CREB3L2: variants seen among roughly 807,000 people sequenced by gnomAD.
CREB3L2 encodes cAMP responsive element binding protein 3 like 2.
In CREB3L2, 23 loss-of-function variants were observed where a neutral mutation model predicts 57.2. That is an observed-to-expected ratio of 0.40 (90% CI 0.29 to 0.57). CREB3L2 has a LOEUF of 0.57. Ranked by LOEUF, CREB3L2 falls within the 20% of genes least tolerant of loss-of-function variation. The pLI is 0.42. For synonymous variants in CREB3L2, 268 were observed against 265.1 expected (o/e 1.01, Z -0.11); for missense variants, 628 against 634.7 (o/e 0.99, Z 0.11).
rs1161069286 is a variant in CREB3L2, at chr7:137,884,980, C to A, written c.1270+15G>T. On this transcript the variant is annotated intron_variant, in intron 10 of 11. Transcript: ENST00000330387. ...TAAAACAAGACCCTGCCCAACTTGC[C>A]ACATGCTGTCTTACCCACGGAGGCT... 1 of 1,614,164 alleles carries A rather than the reference C, an allele frequency of 6.2e-7. No homozygotes were observed. The highest frequency in any genetic ancestry group is 1.7e-5 in the Admixed American group (1 of 60,028).
At position 137,879,323 on chromosome 7, in the gene CREB3L2, G is replaced by C; in HGVS notation, c.*1153C>G. On this transcript the variant is annotated 3_prime_UTR_variant, in exon 12 of 12. Transcript: ENST00000330387. ...GCTTTGTTGAGGTAGGGGACGAGGA[G>C]GACAAAGTGGAAGTGTGGAGGGAGG... The C allele has an allele frequency of 1.9e-6, 1 of 519,844 alleles. No homozygotes were observed. The highest frequency in any genetic ancestry group is 3.7e-6 in the Non-Finnish European group (1 of 270,742). The allele number at this position is 519,844 out of a possible 1,614,324, so 32.2% of individuals were successfully genotyped here.
intron 1 of CREB3L2, among the ~76,000 whole-genome samples, chr7:137,944,981 C>T (rs973259907): frequency 3.9e-5 from 6 of 152,162 alleles, no homozygotes; most frequent in African/African-American, 1.4e-4. Flanking sequence ...CAACCTCTGT[C>T]TCTCGGGCTC....
At chr7:137,883,435 T>C (rs571413180) in intron 10 of CREB3L2, among the ~76,000 whole-genome samples, 1 of 152,124 alleles carries the variant, frequency 6.6e-6, no homozygotes, top group Non-Finnish European at 1.5e-5. Context: ...CTGAACCCTA[T>C]ATATATGGTA....
intron 4 of CREB3L2, 108 bp from the exon 5 acceptor site, chr7:137,908,544 G>T: frequency 1.4e-6 from 1 of 717,838 alleles, no homozygotes; most frequent in Non-Finnish European, 1.9e-6. Flanking sequence ...AGCTGACCTG[G>T]ACAGATCTCC....
At chr7:137,894,735 G>A (rs1799590528) in intron 8 of CREB3L2, among the ~76,000 whole-genome samples, 1 of 152,224 alleles carries the variant, frequency 6.6e-6, no homozygotes, top group African/African-American at 2.4e-5. Context: ...CATGGCTGAA[G>A]GAGAGCCAGC....
At position 137,875,537 on chromosome 7, in the gene CREB3L2, A is replaced by T. The variant is rs1472893805; in HGVS notation, c.*4939T>A. The T allele has an allele frequency of 4.5e-6, 1 of 222,874 alleles. No homozygotes were observed. The highest frequency in any genetic ancestry group is 9.0e-6 in the Non-Finnish European group (1 of 111,506). The allele number at this position is 222,874 out of a possible 1,614,324, so 13.8% of individuals were successfully genotyped here. The stretch of plus-strand genomic sequence containing the variant: ...GAACTCACAGAAGATTGGAACAAAA[A>T]GATAGGAGATGGACACCTGGGGGAC... On this transcript the variant is annotated 3_prime_UTR_variant, in exon 12 of 12. Transcript: ENST00000330387.
At chr7:137,924,526 G>C (rs1044675821) in intron 2 of CREB3L2, among the ~76,000 whole-genome samples, 2 of 152,086 alleles carry the variant, frequency 1.3e-5, no homozygotes, top group African/African-American at 4.8e-5. Flanking sequence ...TACAAGACTT[G>C]GTCATTCAAA....
chr7:137,929,637 C>T (rs1005677659), intron 1 of CREB3L2, among the ~76,000 whole-genome samples: 4 of 150,722 alleles, frequency 2.7e-5, no homozygotes, highest in African/African-American at 9.8e-5. Flanking sequence ...CCAAGGTGGG[C>T]GGATCACAAG....
intron 11 of CREB3L2, among the ~76,000 whole-genome samples, chr7:137,881,553 A>C (rs1271463803): frequency 6.6e-6 from 1 of 152,236 alleles, no homozygotes; most frequent in Non-Finnish European, 1.5e-5. Context: ...TGTATGTATA[A>C]TGTACACACA....
intron 1 of CREB3L2, among the ~76,000 whole-genome samples, chr7:137,975,617 C>G (rs1230539731): frequency 2.0e-5 from 3 of 152,146 alleles, no homozygotes; most frequent in Non-Finnish European, 2.9e-5. Context: ...AAGTAAAACA[C>G]AAGTAGCACA....
intron 4 of CREB3L2, among the ~76,000 whole-genome samples, chr7:137,910,353 G>T (rs1799980433): frequency 6.6e-6 from 1 of 151,768 alleles, no homozygotes; most frequent in East Asian, 1.9e-4. Flanking sequence ...TTGCCAAAGA[G>T]GTCCCTGGGC....
intron 8 of CREB3L2, among the ~76,000 whole-genome samples, chr7:137,886,957 T>TA (rs1485071715): frequency 6.6e-6 from 1 of 152,122 alleles, no homozygotes; most frequent in Admixed American, 6.5e-5. Context: ...GTGAGTGGTG[T>TA]AAAGAGTTGA....
chr7:137,965,811 T>C (rs1331921427), intron 1 of CREB3L2, among the ~76,000 whole-genome samples: 1 of 152,218 alleles, frequency 6.6e-6, no homozygotes, highest in Non-Finnish European at 1.5e-5. Context: ...AGTGCTATTA[T>C]TTATGTCAAA....
chr7:137,930,970 G>A (rs942840723), intron 1 of CREB3L2, among the ~76,000 whole-genome samples: 1 of 150,398 alleles, frequency 6.6e-6, no homozygotes, highest in Non-Finnish European at 1.5e-5. Context: ...GGTGGCTCAT[G>A]CCTGTAATCT....
At chr7:137,984,408 C>T (rs1428371361) in intron 1 of CREB3L2, among the ~76,000 whole-genome samples, 1 of 152,166 alleles carries the variant, frequency 6.6e-6, no homozygotes, top group Non-Finnish European at 1.5e-5. Flanking sequence ...CTGCTTTGCC[C>T]CGTCACTTTC....
intron 1 of CREB3L2, among the ~76,000 whole-genome samples, chr7:137,989,131 G>A (rs896385829): frequency 3.3e-5 from 5 of 152,172 alleles, no homozygotes; most frequent in African/African-American, 7.2e-5. Context: ...AAGAGGCAGC[G>A]CTGTGTTCTA....
At chr7:137,956,372 T>C (rs924959362) in intron 1 of CREB3L2, among the ~76,000 whole-genome samples, 2 of 152,240 alleles carry the variant, frequency 1.3e-5, no homozygotes, top group Non-Finnish European at 2.9e-5. Flanking sequence ...AAATTCCAAC[T>C]ACCACTCTTG....
At chr7:137,998,335 A>G (rs914363262) in intron 1 of CREB3L2, among the ~76,000 whole-genome samples, 1 of 152,252 alleles carries the variant, frequency 6.6e-6, no homozygotes, top group Admixed American at 6.5e-5. Context: ...GCAATCATGC[A>G]TGTAGTAACT....
chr7:137,987,817 C>T (rs1049551158), intron 1 of CREB3L2, among the ~76,000 whole-genome samples: 4 of 152,204 alleles, frequency 2.6e-5, no homozygotes, highest in African/African-American at 9.6e-5. Context: ...CTGCAAGTAG[C>T]TGGGACTATA....
Sources: gnomAD v4.1 joint callset for allele counts (sites outside exome capture counted in the v4.1 genomes callset) on GRCh38, gnomAD v4.1.1 for gene constraint, MANE v1.5 for transcripts, NCBI Gene and HGNC (gene_info 2026-07-23, HGNC 2026-07-21) for gene names.